Variants in RAB38 observed in about 807,000 individuals in gnomAD.
RAB38 encodes the protein RAB38, member RAS oncogene family, also known as ras-related protein Rab-38.
Under a neutral mutation model 18.4 loss-of-function variants are expected in RAB38, and 15 were observed. The ratio of observed to expected loss-of-function variants is 0.82; its 90% CI spans 0.55 to 1.26. The LOEUF (loss-of-function observed/expected upper bound fraction) is 1.26. Among genes scored for constraint, RAB38 ranks in the 50% most tolerant of loss-of-function variants. The pLI is 0.00. For synonymous variants in RAB38, 101 were observed against 104.4 expected (o/e 0.97, Z 0.20); for missense variants, 294 against 267.4 (o/e 1.10, Z -0.69).
At chr11:87,894,393 G>A in the RAB38 span, among the ~76,000 whole-genome samples, 1 of 151,664 alleles carries the variant, frequency 6.6e-6, no homozygotes, top group South Asian at 2.1e-4. Flanking sequence ...TAAGGATAAT[G>A]ATGATTGATG....
chr11:87,912,957 C>T, the RAB38 span, among the ~76,000 whole-genome samples: 22 of 151,604 alleles, frequency 1.5e-4, 1 homozygote, highest in Middle Eastern at 0.01. Flanking sequence ...TTTTCATTTT[C>T]GTCCAGTTCA....
At chr11:88,030,810 C>T in the RAB38 span, among the ~76,000 whole-genome samples, 7,471 of 152,206 alleles carry the variant, frequency 0.049, 205 homozygotes, top group Middle Eastern at 0.11. Flanking sequence ...CAAGGAGGAA[C>T]TGGTACCATT....
At chr11:88,138,788 TATTA>T (rs779548377) in intron 2 of RAB38, among the ~76,000 whole-genome samples, 1,667 of 120,588 alleles carry the variant, frequency 0.014, 38 homozygotes, top group African/African-American at 0.044. Context: ...CTTTTTTTTT[TATTA>T]TTTTTTTTGA....
chr11:87,819,139 T>A, the RAB38 span, among the ~76,000 whole-genome samples: 1 of 152,194 alleles, frequency 6.6e-6, no homozygotes, highest in Non-Finnish European at 1.5e-5. Context: ...CCTACCCACT[T>A]CAAGTGACAG....
At chr11:88,021,563 A>ATTTATTTATTT in the RAB38 span, among the ~76,000 whole-genome samples, 1 of 141,846 alleles carries the variant, frequency 7.0e-6, no homozygotes, top group Non-Finnish European at 1.5e-5. Context: ...AGAGAAAGAT[A>ATTTATTTATTT]ATTTATTTAT....
At chr11:87,944,264 A>C in the RAB38 span, among the ~76,000 whole-genome samples, 8 of 152,304 alleles carry the variant, frequency 5.3e-5, no homozygotes, top group South Asian at 1.7e-3. Context: ...ACAAACCTTC[A>C]ATTGCAAACA....
chr11:87,894,611 T>C, the RAB38 span, among the ~76,000 whole-genome samples: 1 of 151,564 alleles, frequency 6.6e-6, no homozygotes, highest in Non-Finnish European at 1.5e-5. Flanking sequence ...TCTTAGCTGA[T>C]AGTGATGATA....
chr11:87,916,192 A>G, the RAB38 span, among the ~76,000 whole-genome samples: 274 of 152,208 alleles, frequency 1.8e-3, no homozygotes, highest in African/African-American at 6.4e-3. Context: ...ACTGTATTTT[A>G]TATGAGAGAT....
the RAB38 span, among the ~76,000 whole-genome samples, chr11:87,843,846 G>A: frequency 6.6e-6 from 1 of 152,130 alleles, no homozygotes; most frequent in Admixed American, 6.5e-5. Flanking sequence ...TAGGGTTCTG[G>A]GTAATGTAAA....
chr11:87,842,824 A>ACACACACGCGCG, the RAB38 span, among the ~76,000 whole-genome samples: 3 of 113,432 alleles, frequency 2.6e-5, no homozygotes, highest in Admixed American at 2.9e-4. Flanking sequence ...GCGCACACAC[A>ACACACACGCGCG]CACACACACA....
At chr11:87,963,471 A>T in the RAB38 span, among the ~76,000 whole-genome samples, 10 of 152,170 alleles carry the variant, frequency 6.6e-5, no homozygotes, top group African/African-American at 9.6e-5. Flanking sequence ...AATTAAAATA[A>T]TAGGACTATA....
chr11:87,816,556 A>G, the RAB38 span: 1 of 152,100 alleles, frequency 6.6e-6, no homozygotes, highest in Non-Finnish European at 1.5e-5. Flanking sequence ...AGGTGGTAAT[A>G]TATATGATCT....
the RAB38 span, among the ~76,000 whole-genome samples, chr11:88,099,488 T>C: frequency 1.3e-5 from 2 of 151,930 alleles, no homozygotes; most frequent in Non-Finnish European, 2.9e-5. Flanking sequence ...GTGGAAATTA[T>C]TTTTAAGTCA....
the RAB38 span, among the ~76,000 whole-genome samples, chr11:87,834,362 G>A: frequency 3.3e-5 from 5 of 152,198 alleles, no homozygotes; most frequent in African/African-American, 1.2e-4. Context: ...ACTCTAAGCT[G>A]AGAACTAGCA....
intron 2 of RAB38, among the ~76,000 whole-genome samples, chr11:88,143,025 A>T (rs1942935716): frequency 6.6e-6 from 1 of 152,240 alleles, no homozygotes; most frequent in Non-Finnish European, 1.5e-5. Context: ...CAATTGCTCA[A>T]TAAATACTTA....
At chr11:88,174,483 C>T (rs1250610381) in intron 1 of RAB38, among the ~76,000 whole-genome samples, 2 of 152,024 alleles carry the variant, frequency 1.3e-5, no homozygotes, top group East Asian at 3.9e-4. Context: ...ATAAAAATGG[C>T]CTTAAAATAT....
At chr11:87,867,837 A>C in the RAB38 span, among the ~76,000 whole-genome samples, 1 of 151,708 alleles carries the variant, frequency 6.6e-6, no homozygotes, top group Non-Finnish European at 1.5e-5. Context: ...AGAAACTAAG[A>C]TCCAGAGAGT....
At chr11:87,850,746 A>T in the RAB38 span, among the ~76,000 whole-genome samples, 5 of 150,604 alleles carry the variant, frequency 3.3e-5, no homozygotes, top group African/African-American at 1.2e-4. Flanking sequence ...ACACACACAC[A>T]TACACACACA....
chr11:87,921,639 C>G, the RAB38 span, among the ~76,000 whole-genome samples: 1 of 150,654 alleles, frequency 6.6e-6, no homozygotes, highest in Non-Finnish European at 1.5e-5. Context: ...CCTTTTGACT[C>G]TTTTCTCTTT....
Sources: gnomAD v4.1 joint callset for allele counts (sites outside exome capture counted in the v4.1 genomes callset) on GRCh38, gnomAD v4.1.1 for gene constraint, MANE v1.5 for transcripts, NCBI Gene and HGNC (gene_info 2026-07-23, HGNC 2026-07-21) for gene names.